CEP112: variants seen among roughly 807,000 people sequenced by gnomAD.
CEP112 encodes the protein centrosomal protein of 112 kDa.
CEP112 carries 127 observed loss-of-function variants against 153.0 expected under a neutral mutation model. That is an observed-to-expected ratio of 0.83 (90% confidence interval 0.72 to 0.96). The LOEUF (loss-of-function observed/expected upper bound fraction) is 0.96, where lower values mean the gene tolerates loss of function less well. Among genes scored for constraint, CEP112 ranks in the 40% least tolerant of loss-of-function variants. CEP112 has a pLI of 0.00. For synonymous variants in CEP112, 358 were observed against 374.4 expected, an observed-to-expected ratio of 0.96 and a Z score of 0.51; for missense variants, 1,089 against 1,101.2, an observed-to-expected ratio of 0.99 and a Z score of 0.16.
At chr17:66,171,122 A>T (rs997033584) in intron 4 of CEP112, among the ~76,000 whole-genome samples, 2 of 152,212 alleles carry the variant, frequency 1.3e-5, no homozygotes, top group Non-Finnish European at 2.9e-5. Context: ...AAAGTAAAGG[A>T]AAGGTGCCAT....
At chr17:66,100,409 G>GAAAAAAAAAAAAA (rs35510367) in intron 6 of CEP112, among the ~76,000 whole-genome samples, 1 of 118,408 alleles carries the variant, frequency 8.4e-6, no homozygotes, top group Non-Finnish European at 1.7e-5. Flanking sequence ...TCAAAAAACA[G>GAAAAAAAAAAAAA]AAAAAAAAAA....
At chr17:65,986,670 ACGATTCATTATTT>A (rs1414569085) in intron 17 of CEP112, among the ~76,000 whole-genome samples, 3 of 95,674 alleles carry the variant, frequency 3.1e-5, no homozygotes, top group African/African-American at 1.0e-4. Flanking sequence ...TGAGAACTAT[ACGATTCATTATTT>A]CATTCAAAAA....
chr17:65,689,078 C>G (rs967837805), intron 24 of CEP112, 51 bp downstream of exon 24: 4 of 1,356,230 alleles, frequency 2.9e-6, no homozygotes, highest in Non-Finnish European at 2.1e-6. Context: ...GCACACACTT[C>G]TTGACCTAGA....
intron 24 of CEP112, among the ~76,000 whole-genome samples, chr17:65,665,565 G>A (rs955794366): frequency 6.6e-6 from 1 of 152,198 alleles, no homozygotes; most frequent in South Asian, 2.1e-4. Context: ...CATAGGCTCA[G>A]GAACTGATAG....
chr17:66,018,073 T>A (rs1220695832), intron 16 of CEP112, among the ~76,000 whole-genome samples: 2 of 152,178 alleles, frequency 1.3e-5, no homozygotes, highest in Non-Finnish European at 2.9e-5. Flanking sequence ...GAGATAATGC[T>A]ATTTCCACCC....
intron 24 of CEP112, among the ~76,000 whole-genome samples, chr17:65,660,312 C>G: frequency 8.9e-6 from 1 of 112,076 alleles, no homozygotes; most frequent in Non-Finnish European, 1.7e-5. Flanking sequence ...TTCTCTCTTT[C>G]TTTCTTCCTT....
intron 17 of CEP112, among the ~76,000 whole-genome samples, chr17:65,969,609 ATG>A: frequency 6.6e-6 from 1 of 151,562 alleles, no homozygotes; most frequent in Non-Finnish European, 1.5e-5. Context: ...CGAATATTAC[ATG>A]TGTGCCGCAT....
intron 12 of CEP112, among the ~76,000 whole-genome samples, chr17:66,041,040 A>G (rs9898304): frequency 0.52 from 78,084 of 151,326 alleles, 21,028 homozygotes; most frequent in African/African-American, 0.59. Flanking sequence ...TTTTTTCTAT[A>G]TGAATATTCA....
intron 20 of CEP112, among the ~76,000 whole-genome samples, chr17:65,872,447 T>C (rs1236631277): frequency 2.6e-5 from 4 of 152,204 alleles, no homozygotes; most frequent in African/African-American, 9.7e-5. Context: ...TTCATCTTAC[T>C]AAATATAATG....
At chr17:65,649,073 AACACACACACACACACACACAC>A (rs71158400) in intron 24 of CEP112, among the ~76,000 whole-genome samples, 44 of 139,964 alleles carry the variant, frequency 3.1e-4, no homozygotes, top group East Asian at 1.9e-3. Context: ...CAAACAAACA[AACACACACACACACACACACAC>A]ACACACACAC....
intron 20 of CEP112, among the ~76,000 whole-genome samples, chr17:65,899,258 A>G (rs2059764679): frequency 6.6e-6 from 1 of 152,178 alleles, no homozygotes; most frequent in African/African-American, 2.4e-5. Context: ...TCTTAAACAT[A>G]TGACCTTAGA....
intron 20 of CEP112, among the ~76,000 whole-genome samples, chr17:65,856,241 T>C (rs1215929759): frequency 1.3e-5 from 2 of 151,872 alleles, no homozygotes; most frequent in African/African-American, 2.4e-5. Context: ...ATTGGAAGGA[T>C]GGTAAGATTG....
chr17:66,156,711 G>A (rs964721007), intron 4 of CEP112, among the ~76,000 whole-genome samples: 9 of 152,028 alleles, frequency 5.9e-5, no homozygotes, highest in South Asian at 2.1e-4. Context: ...GCTGAAAAAC[G>A]CAGCACGAGA....
At chr17:65,706,411 G>A (rs2048917420) in intron 23 of CEP112, among the ~76,000 whole-genome samples, 1 of 152,224 alleles carries the variant, frequency 6.6e-6, no homozygotes, top group South Asian at 2.1e-4. Context: ...CTGAAAAGAG[G>A]AGGCCAGAGC....
rs148687808 is a variant in CEP112, at chr17:65,771,840, C to T, written c.2395-21116G>A. On this transcript the variant is annotated intron_variant, in intron 21 of 26. Coordinates refer to ENST00000535342, the MANE Select transcript of CEP112 (RefSeq NM_001199165.4). The stretch of plus-strand genomic sequence containing the variant: ...GATGAGCCTGGGCAACATAGTGAGA[C>T]CCCATGTCTAAGAAAAAAAATAATT... 5.3e-4 allele frequency among the ~76,000 whole-genome samples: 80 copies of T among 152,006 alleles called. 1 individual carries two copies. In the East Asian group the frequency reaches 0.014, roughly 27 times the overall value.
intron 24 of CEP112, chr17:65,644,449 C>T (rs776906904): frequency 3.6e-5 from 15 of 416,812 alleles, no homozygotes; most frequent in Admixed American, 1.3e-4. Flanking sequence ...TAATGCAGTC[C>T]TTGAGGATTC....
chr17:65,955,469 G>A (rs7213669), intron 18 of CEP112, among the ~76,000 whole-genome samples: 73,319 of 151,768 alleles, frequency 0.48, 18,688 homozygotes, highest in East Asian at 0.89. Flanking sequence ...GGCAACAAAT[G>A]GCACGATGAA....
intron 17 of CEP112, among the ~76,000 whole-genome samples, chr17:65,964,095 C>G (rs116013723): frequency 2.0e-5 from 3 of 152,308 alleles, no homozygotes; most frequent in African/African-American, 7.2e-5. Context: ...CAATGGGGTA[C>G]AGGATTCTGG....
At position 65,937,240 on chromosome 17, in the gene CEP112, C is replaced by T. The variant is rs1363700779; in HGVS notation, c.1873-9551G>A. ...TGCAGCCTCTGCCCGGCCGCCACCC[C>T]GTCTGGGAAGTGAGGAGCGTCTCTG... On this transcript the variant is annotated intron_variant, in intron 18 of 26. Coordinates refer to ENST00000535342, the MANE Select transcript of CEP112 (RefSeq NM_001199165.4). Among the ~76,000 whole-genome samples the T allele has an allele frequency of 6.5e-3, 742 of 114,058 alleles. 8 individuals carry two copies. Among genetic ancestry groups the T allele is most frequent in the South Asian group, 0.014 (29 of 2,094 alleles). 74.8% of individuals were successfully genotyped at this position (114,058 alleles called of 152,430 possible).
Sources: allele counts gnomAD v4.1 joint callset (sites outside exome capture counted in the v4.1 genomes callset), GRCh38; gene constraint gnomAD v4.1.1; transcripts MANE v1.5; gene names NCBI Gene and HGNC (gene_info 2026-07-23, HGNC 2026-07-21).